The following PCDHGB4 variants were observed in gnomAD, a reference collection of about 807,000 sequenced individuals.
PCDHGB4 encodes the protein protocadherin gamma-B4.
PCDHGB4 carries 38 observed loss-of-function variants against 60.5 expected under a neutral mutation model. That is an observed-to-expected ratio of 0.63 (90% CI 0.48 to 0.82). The LOEUF is 0.82. PCDHGB4 is among the 40% of genes least tolerant of loss of function. The probability of loss-of-function intolerance (pLI) is 0.00; values close to 1 mark genes in which losing one functional copy is unlikely to be tolerated. For synonymous variants in PCDHGB4, 456 were observed against 509.7 expected (o/e 0.89, Z 1.42); for missense variants, 1,109 against 1,209.6 (o/e 0.92, Z 1.23).
At chr5:141,504,517 T>C (rs1057166865) in intron 2 of PCDHGB4, among the ~76,000 whole-genome samples, 5 of 151,918 alleles carry the variant, frequency 3.3e-5, no homozygotes, top group African/African-American at 1.2e-4. Context: ...TCTCCTCTGA[T>C]ATATTTTATT....
intron 1 of PCDHGB4, among the ~76,000 whole-genome samples, chr5:141,437,415 G>A: frequency 6.6e-6 from 1 of 152,162 alleles, no homozygotes; most frequent in Non-Finnish European, 1.5e-5. Context: ...GAAGTATTAT[G>A]CTTTTTGAAG....
chr5:141,390,300 T>C lies in PCDHGB4; in HGVS notation c.2397+19T>C. On this transcript the variant is annotated intron_variant, in intron 1 of 3. Transcript: ENST00000519479. The stretch of plus-strand genomic sequence containing the variant: ...CCATCAGGTGAGTTTCCTTTAAGTA[T>C]AATTTAATGCTCATTGCCTACCCAT... 2 of 1,613,822 alleles carry C rather than the reference T, an allele frequency of 1.2e-6. No homozygotes were observed. The highest frequency in any genetic ancestry group is 1.7e-6 in the Non-Finnish European group (2 of 1,179,742).
At chr5:141,482,033 C>G (rs1185284483) in intron 1 of PCDHGB4, among the ~76,000 whole-genome samples, 1 of 149,194 alleles carries the variant, frequency 6.7e-6, no homozygotes, top group African/African-American at 2.5e-5. Flanking sequence ...TGCAGTGAGC[C>G]AAGATCATGC....
rs2091630816 is a variant in PCDHGB4, at chr5:141,389,161, G to A, written c.1277G>A (p.Gly426Asp). 6.2e-7 allele frequency: 1 copy of A among 1,613,878 alleles called. No homozygotes were observed. Among genetic ancestry groups the A allele is most frequent in the African/African-American group, 1.3e-5 (1 of 74,936 alleles). ...YNITVTATDRGKPPLSSSSSI... is the reference protein window; with the variant it reads ...YNITVTATDRDKPPLSSSSSI... ...ATAACCGTTACGGCAACAGATCGGGGCAAGCCTCCCCTCTCCTCCAGTTCC... is the reference window on the plus strand; with the variant it reads ...ATAACCGTTACGGCAACAGATCGGGACAAGCCTCCCCTCTCCTCCAGTTCC... Residue 426 changes from glycine (G) to aspartate (D), a missense_variant, in exon 1 of 4, where the codon GGC (glycine) becomes GAC (aspartate). By Grantham distance (94) the Gly-to-Asp change is moderately conservative. Transcript: ENST00000519479.
At chr5:141,417,826 A>T in intron 1 of PCDHGB4, 1 of 1,519,618 alleles carries the variant, frequency 6.6e-7, no homozygotes. Flanking sequence ...CTCCAACTGG[A>T]AAAGCGGGGA....
chr5:141,481,895 A>G (rs1285005477), intron 1 of PCDHGB4, among the ~76,000 whole-genome samples: 2 of 147,522 alleles, frequency 1.4e-5, no homozygotes, highest in Non-Finnish European at 3.0e-5. Context: ...GCCTGGGTGA[A>G]AGAGCGAAAC....
At position 141,477,579 on chromosome 5, in the gene PCDHGB4, A is replaced by G. The variant is rs774773400; in HGVS notation, c.2398-17228A>G. The stretch of plus-strand genomic sequence containing the variant: ...AGTGTCTGGGACCCCGACGCCCCGC[A>G]GAATGCTCGGCTTTCTTTCTTTCTC... On this transcript the variant is annotated intron_variant, in intron 1 of 3. Coordinates refer to ENST00000519479, the MANE Select transcript of PCDHGB4 (RefSeq NM_003736.4). The surrounding 1 kb of genome is among the most constrained non-coding windows in gnomAD (Gnocchi z 4.9). The G allele has an allele frequency of 1.7e-5, 27 of 1,614,036 alleles. No individual in the cohort carries two copies. The highest frequency in any genetic ancestry group is 2.0e-5 in the Non-Finnish European group (24 of 1,180,036).
rs3074541 is a variant in PCDHGB4 at position 141,433,358 on chromosome 5, CCTATCTATCTATCTATCTATCTAT to C, written c.2397+43102_2397+43125del. 6 of 503,934 alleles carry C rather than the reference CCTATCTATCTATCTATCTATCTAT, an allele frequency of 1.2e-5. No homozygotes were observed. In the Admixed American group the frequency reaches 1.5e-4, roughly 12 times the overall value. The allele number at this position is 503,934 out of a possible 1,614,324, so 31.2% of individuals were successfully genotyped here. ...ACAGGTGCAAGCCACCTACTGTCTG[CCTATCTATCTATCTATCTATCTAT>C]CTATCTATCTATCTATCTATCTATT... On this transcript the variant is annotated intron_variant, in intron 1 of 3. Transcript: ENST00000519479.
In PCDHGB4 at chr5:141,419,475, C is replaced by T. The variant is rs775720158; in HGVS notation, c.2397+29194C>T. On this transcript the variant is annotated intron_variant, in intron 1 of 3. Coordinates refer to ENST00000519479, the MANE Select transcript of PCDHGB4 (RefSeq NM_003736.4). Reference sequence around the variant, plus strand: ...ACGCTGCAGGCCCGCGACCAGGGCTCGCCCGCGCTCAGCGCCAATGTGAGC... The same window carrying T: ...ACGCTGCAGGCCCGCGACCAGGGCTTGCCCGCGCTCAGCGCCAATGTGAGC... The T allele has an allele frequency of 4.6e-5, 74 of 1,612,266 alleles. No homozygotes were observed. The highest frequency in any genetic ancestry group is 5.9e-5 in the Non-Finnish European group (70 of 1,179,514).
At chr5:141,409,872 A>T in intron 1 of PCDHGB4, 1 of 1,612,828 alleles carries the variant, frequency 6.2e-7, no homozygotes. Context: ...GACCGCAATG[A>T]CAACGCACCG....
intron 1 of PCDHGB4, among the ~76,000 whole-genome samples, chr5:141,457,698 G>C (rs1008393847): frequency 7.9e-5 from 12 of 152,234 alleles, no homozygotes; most frequent in Admixed American, 5.2e-4. Flanking sequence ...GATTGGCTTT[G>C]ATGAAACACT....
chr5:141,403,974 A>G (rs1351754228), intron 1 of PCDHGB4: 1 of 1,613,872 alleles, frequency 6.2e-7, no homozygotes, highest in African/African-American at 1.3e-5. Flanking sequence ...GAAGATGTAA[A>G]TGACAATAGA....
chr5:141,453,869 G>A (rs887544235), intron 1 of PCDHGB4, among the ~76,000 whole-genome samples: 9 of 152,144 alleles, frequency 5.9e-5, no homozygotes, highest in Non-Finnish European at 1.2e-4. Context: ...TAACAGATGA[G>A]CAAAATAATG....
At chr5:141,391,397 C>T (rs1341257748) in intron 1 of PCDHGB4, 1 of 151,598 alleles carries the variant, frequency 6.6e-6, no homozygotes, top group African/African-American at 2.4e-5. Flanking sequence ...CCTCCAGCCT[C>T]AAACTCCTGG....
chr5:141,482,995 G>A (rs1395482427), intron 1 of PCDHGB4, among the ~76,000 whole-genome samples: 1 of 152,048 alleles, frequency 6.6e-6, no homozygotes, highest in Non-Finnish European at 1.5e-5. Flanking sequence ...CGAGGCAGGA[G>A]AATTGCTTGA....
intron 1 of PCDHGB4, chr5:141,422,451 C>A: frequency 6.2e-7 from 1 of 1,611,518 alleles, no homozygotes; most frequent in East Asian, 2.2e-5. Context: ...TGATAACAAG[C>A]AGAGTGCTGG....
chr5:141,451,521 T>A (rs1164313767), intron 1 of PCDHGB4, among the ~76,000 whole-genome samples: 2 of 152,148 alleles, frequency 1.3e-5, no homozygotes, highest in African/African-American at 4.8e-5. Flanking sequence ...TTAGAGCAAG[T>A]AAAGGAGAGT....
At chr5:141,484,061 G>A (rs570687480) in intron 1 of PCDHGB4, among the ~76,000 whole-genome samples, 8 of 152,124 alleles carry the variant, frequency 5.3e-5, no homozygotes, top group Non-Finnish European at 1.0e-4. Context: ...CTGGGGCTAA[G>A]TGAAAAGCTT....
chr5:141,432,561 A>C lies in PCDHGB4; in HGVS notation c.2397+42280A>C, dbSNP rs746684751. On this transcript the variant is annotated intron_variant, in intron 1 of 3. Transcript: ENST00000519479. This position sits in a 1 kb window ranked among gnomAD's most constrained non-coding sequence, Gnocchi z 6.0. Reference sequence around the variant, plus strand: ...GCGGTGGACAGAGACTCCGGCCAGAACGCCTGGCTGTCCTACCGTCTGCTC... The same window carrying C: ...GCGGTGGACAGAGACTCCGGCCAGACCGCCTGGCTGTCCTACCGTCTGCTC... 37 of 1,613,308 alleles carry C rather than the reference A, an allele frequency of 2.3e-5. 1 individual carries two copies. The highest frequency in any genetic ancestry group is 2.7e-5 in the African/African-American group (2 of 74,712).
Sources: gnomAD v4.1 joint callset for allele counts (sites outside exome capture counted in the v4.1 genomes callset) on GRCh38, gnomAD v4.1.1 for gene constraint, Gnocchi (gnomAD v3.1) non-coding constraint, MANE v1.5 for transcripts, NCBI Gene and HGNC (gene_info 2026-07-23, HGNC 2026-07-21) for gene names.